Variants in APPL1 observed in about 807,000 individuals in gnomAD.
The protein encoded by APPL1 is adaptor protein, phosphotyrosine interacting with PH domain and leucine zipper 1.
In APPL1, 42 loss-of-function variants were observed where a neutral mutation model predicts 106.8. The ratio of observed to expected loss-of-function variants is 0.39; its 90% CI spans 0.31 to 0.51. The LOEUF (loss-of-function observed/expected upper bound fraction) is 0.51. Ranked by LOEUF, APPL1 falls within the 20% of genes least tolerant of loss-of-function variation. The pLI, the probability that APPL1 is intolerant of heterozygous loss-of-function variation, is 0.75. For synonymous variants in APPL1, 263 were observed against 281.8 expected (o/e 0.93, Z 0.67); for missense variants, 769 against 858.2 (o/e 0.90, Z 1.30).
intron 13 of APPL1, among the ~76,000 whole-genome samples, 156 bp downstream of exon 13, chr3:57,253,894 G>A (rs1156349477): frequency 3.7e-5 from 5 of 135,352 alleles, no homozygotes; most frequent in African/African-American, 1.4e-4. Context: ...ACAGAGTCTC[G>A]CCCCATTGCC....
Position 57,256,984 on chromosome 3 carries a change from G to T in APPL1, c.1180G>T (p.Ala394Ser). 6.2e-7 allele frequency: 1 copy of T among 1,614,092 alleles called. No homozygotes were observed. The highest frequency in any genetic ancestry group is 8.5e-7 in the Non-Finnish European group (1 of 1,180,004). ...AACTGCTGCACGAGTAAATCAATCAGCTCTGGAAGCTGTCACTCCTTCCCC... is the reference window on the plus strand; with the variant it reads ...AACTGCTGCACGAGTAAATCAATCATCTCTGGAAGCTGTCACTCCTTCCCC... ...EETAARVNQS[A>S]LEAVTPSPSF... Residue 394 changes from alanine (A) to serine (S), a missense_variant, in exon 14 of 22, where the codon GCT becomes TCT. Transcript: ENST00000288266.
At chr3:57,241,556 T>C (rs1454586352) in intron 5 of APPL1, among the ~76,000 whole-genome samples, 1 of 152,234 alleles carries the variant, frequency 6.6e-6, no homozygotes, top group African/African-American at 2.4e-5. Flanking sequence ...TATACTATTC[T>C]ACACCTACAC....
chr3:57,260,426 G>GT (rs2060859041), intron 18 of APPL1: 1 of 544,940 alleles, frequency 1.8e-6, no homozygotes, highest in South Asian at 4.1e-5. Context: ...TAAAACAAAT[G>GT]TAATATTCAA....
chr3:57,263,620 C>G (rs2060879242), intron 19 of APPL1, among the ~76,000 whole-genome samples: 1 of 152,096 alleles, frequency 6.6e-6, no homozygotes, highest in Admixed American at 6.5e-5. Context: ...AATAGTACTC[C>G]ATTGTATGTA....
In APPL1 at chr3:57,257,699, T is replaced by C. The variant is rs577890447; in HGVS notation, c.1430+271T>C. On this transcript the variant is annotated intron_variant, in intron 15 of 21. Transcript: ENST00000288266. ...TTTCTTGGATACTTGCTCTTAAAAT[T>C]GCAGAAGAAAGTTGATAGCTGTCTT... is the stretch of plus-strand genomic sequence containing the variant. Among the ~76,000 whole-genome samples, 3 of 152,334 alleles carry C rather than the reference T, an allele frequency of 2.0e-5. No homozygotes were observed. In the East Asian group the frequency reaches 5.8e-4, roughly 29 times the overall value.
At chr3:57,235,223 C>G (rs907045993) in intron 1 of APPL1, among the ~76,000 whole-genome samples, 1 of 152,132 alleles carries the variant, frequency 6.6e-6, no homozygotes, top group Non-Finnish European at 1.5e-5. Flanking sequence ...TGAAGTAAGA[C>G]ATTTAAAATA....
intron 4 of APPL1, among the ~76,000 whole-genome samples, chr3:57,238,878 C>A (rs2060730691): frequency 1.3e-5 from 2 of 152,120 alleles, no homozygotes; most frequent in African/African-American, 4.8e-5. Flanking sequence ...GTTTTTAGGA[C>A]ATTTTCATCA....
At chr3:57,245,796 C>T (rs1198953520) in intron 7 of APPL1, among the ~76,000 whole-genome samples, 6 of 152,078 alleles carry the variant, frequency 3.9e-5, no homozygotes, top group African/African-American at 7.2e-5. Flanking sequence ...CGTCCCGCCT[C>T]GGCCTCCCAA....
chr3:57,267,292 G>C (rs1038438393), intron 19 of APPL1, among the ~76,000 whole-genome samples: 7 of 152,122 alleles, frequency 4.6e-5, no homozygotes, highest in Non-Finnish European at 8.8e-5. Context: ...TCTCTGAATA[G>C]AGCCAAGCTG....
At chr3:57,267,599 C>A (rs1339503744) in intron 19 of APPL1, 143 bp from the exon 20 acceptor site, 1 of 697,886 alleles carries the variant, frequency 1.4e-6, no homozygotes, top group Non-Finnish European at 2.5e-6. Flanking sequence ...GGTTTGGGGG[C>A]TTGAGCATTC....
At chr3:57,251,524 C>CAA (rs75189556) in intron 11 of APPL1, among the ~76,000 whole-genome samples, 8 of 70,914 alleles carry the variant, frequency 1.1e-4, no homozygotes, top group African/African-American at 2.0e-4. Flanking sequence ...GACTTTGTCT[C>CAA]AAAAAAAAAA....
intron 15 of APPL1, 119 bp from the exon 16 acceptor site, chr3:57,258,909 G>A (rs531727867): frequency 1.5e-6 from 1 of 687,434 alleles, no homozygotes; most frequent in African/African-American, 1.8e-5. Flanking sequence ...TTCTTAATAG[G>A]ATGGGGCATT....
Position 57,268,443 on chromosome 3 carries a change from G to T in APPL1, c.1939G>T (p.Glu647Ter). Reference protein sequence around the residue: ...EKQKEIERVKEKQQKELNKQK... With the variant: ...EKQKEIERVK ...ACAAAAAGAAATAGAGAGAGTAAAA[G>T]AGAAGCAACAGAAAGAACTCAATAA... Residue 647 changes from glutamate (E) to a stop codon, truncating the protein, a stop_gained, in exon 21 of 22, where the codon GAG becomes TAG. Coordinates refer to ENST00000288266, the MANE Select transcript of APPL1 (RefSeq NM_012096.3). LOFTEE classifies it high-confidence loss of function. 1 of 1,604,440 alleles carries T rather than the reference G, an allele frequency of 6.2e-7. No individual in the cohort carries two copies. The highest frequency in any genetic ancestry group is 1.1e-5 in the South Asian group (1 of 90,286).
Position 57,242,231 on chromosome 3 carries a change from A to T in APPL1, c.415+89A>T, listed in dbSNP as rs202077414. 1.5e-4 allele frequency: 55 copies of T among 355,618 alleles called. No individual in the cohort carries two copies. In the South Asian group the frequency reaches 3.2e-3, roughly 21 times the overall value. The allele number at this position is 355,618 out of a possible 1,614,324, so 22.0% of individuals were successfully genotyped here. A position where few individuals can be genotyped will look rare whatever the true frequency, so the allele number is the denominator to read the frequency against. ...GTGGCCAGATTCTTTGTAATAATTG[A>T]AAAAAAACCAATTAAAAATAAGTGA... On this transcript the variant is annotated intron_variant, in intron 6 of 21. Transcript: ENST00000288266.
intron 7 of APPL1, 148 bp downstream of exon 7, chr3:57,243,062 C>T (rs2060755288): frequency 1.6e-6 from 1 of 611,448 alleles, no homozygotes; most frequent in Middle Eastern, 4.4e-4. Context: ...TGTTCAAAAC[C>T]TTTCTGATAA....
intron 9 of APPL1, 90 bp downstream of exon 9, chr3:57,247,567 T>C: frequency 1.2e-6 from 1 of 852,730 alleles, no homozygotes; most frequent in South Asian, 1.9e-5. Context: ...TCATTTACTT[T>C]CCTGAGGGAA....
At chr3:57,247,148 C>T (rs1054576232) in intron 8 of APPL1, among the ~76,000 whole-genome samples, 1 of 151,828 alleles carries the variant, frequency 6.6e-6, no homozygotes, top group African/African-American at 2.4e-5. Context: ...GATTGTTAAC[C>T]ATATGTATAT....
rs1579382386 is a variant in APPL1, at chr3:57,237,555, T to C, written c.213+4T>C. 1 of 1,581,178 alleles carries C rather than the reference T, an allele frequency of 6.3e-7. No homozygotes were observed. On this transcript the variant is annotated splice_donor_region_variant and intron_variant, in intron 3 of 21. Transcript: ENST00000288266. ...TTTAAAAGAATATGAAAAACAGGTA[T>C]TGTATATCAAAGTTTTAAAAGCATA...
chr3:57,242,935 T>C (rs1354217228), intron 7 of APPL1, 21 bp downstream of exon 7: 2 of 1,573,684 alleles, frequency 1.3e-6, no homozygotes, highest in Non-Finnish European at 1.7e-6. Context: ...TATTTATTCC[T>C]TCAGTGTCAT....
Sources: allele counts gnomAD v4.1 joint callset (sites outside exome capture counted in the v4.1 genomes callset), GRCh38; gene constraint gnomAD v4.1.1; transcripts MANE v1.5; gene names NCBI Gene and HGNC (gene_info 2026-07-23, HGNC 2026-07-21).